The following CCNH variants were observed in gnomAD, a reference collection of about 807,000 sequenced individuals.
CCNH encodes cyclin-H.
A neutral mutation model predicts 41.9 loss-of-function variants in CCNH; 31 were observed. The observed-to-expected ratio is 0.74, with a 90% CI of 0.56 to 1.00. CCNH has a LOEUF of 1.00. CCNH is among the 50% of genes least tolerant of loss of function. The pLI is 0.00. For missense variants in CCNH, 362 were observed against 388.4 expected (o/e 0.93, Z 0.57); for synonymous variants, 138 against 136.1 (o/e 1.01, Z -0.10).
chr5:87,399,857 A>G (rs1410622747), intron 6 of CCNH, among the ~76,000 whole-genome samples: 1 of 152,220 alleles, frequency 6.6e-6, no homozygotes, highest in Admixed American at 6.5e-5. Flanking sequence ...TTTGTTCTCT[A>G]TCACCAACCA....
intron 9 of CCNH, chr5:87,333,291 C>G: frequency 1.2e-6 from 2 of 1,612,314 alleles, no homozygotes; most frequent in Non-Finnish European, 1.7e-6. Flanking sequence ...AAGGCGTGTA[C>G]GAGCTATTCT....
intron 9 of CCNH, among the ~76,000 whole-genome samples, chr5:87,384,101 G>C (rs1360147508): frequency 3.4e-4 from 52 of 151,988 alleles, no homozygotes; most frequent in Middle Eastern, 3.2e-3. Context: ...TTCAAGTTGG[G>C]AAGAGCTTTG....
chr5:87,373,833 G>T (rs1284416157), downstream of CCNH, among the ~76,000 whole-genome samples: 2 of 151,878 alleles, frequency 1.3e-5, no homozygotes, highest in African/African-American at 2.4e-5. Flanking sequence ...TATTAATAAA[G>T]AATTTTCTTC....
At chr5:87,338,922 A>T (rs1417560595) in intron 9 of CCNH, among the ~76,000 whole-genome samples, 2 of 152,084 alleles carry the variant, frequency 1.3e-5, no homozygotes, top group Non-Finnish European at 2.9e-5. Context: ...TTATCATGGT[A>T]TCAATTACCA....
chr5:87,396,869 T>C (rs567850990), intron 7 of CCNH, among the ~76,000 whole-genome samples: 11 of 152,254 alleles, frequency 7.2e-5, no homozygotes, highest in African/African-American at 2.6e-4. Context: ...CATAAATATA[T>C]GGATATACGT....
At chr5:87,395,174 A>G in intron 7 of CCNH, 70 bp from the exon 8 acceptor site, 1 of 1,394,808 alleles carries the variant, frequency 7.2e-7, no homozygotes, top group East Asian at 2.3e-5. Flanking sequence ...AAAATAAACT[A>G]GCAAGGCTAT....
intron 4 of CCNH, among the ~76,000 whole-genome samples, chr5:87,407,318 T>C (rs1022821404): frequency 1.3e-5 from 2 of 152,206 alleles, no homozygotes; most frequent in East Asian, 3.8e-4. Context: ...TTGAGACTGT[T>C]CCTGTCCTAT....
intron 9 of CCNH, among the ~76,000 whole-genome samples, chr5:87,337,742 T>A (rs553090504): frequency 4.6e-5 from 7 of 152,216 alleles, no homozygotes; most frequent in African/African-American, 1.4e-4. Flanking sequence ...GTGCAGATAC[T>A]ACTATCAAAC....
chr5:87,399,117 T>C (rs1036714451), intron 7 of CCNH, among the ~76,000 whole-genome samples: 1 of 152,232 alleles, frequency 6.6e-6, no homozygotes, highest in East Asian at 1.9e-4. Context: ...AAAGGATTCC[T>C]TAGGAAGACC....
At chr5:87,391,127 CT>C, downstream of CCNH, 1 of 598,130 alleles carries the variant, frequency 1.7e-6, no homozygotes, top group Non-Finnish European at 3.0e-6. Context: ...ACCTCTGAGC[CT>C]TGGTGTACAG....
chr5:87,374,359 T>C, downstream of CCNH: 1 of 1,563,074 alleles, frequency 6.4e-7, no homozygotes, highest in Non-Finnish European at 8.7e-7. Flanking sequence ...CATTTTCTTT[T>C]ACCATATTGC....
intron 9 of CCNH, among the ~76,000 whole-genome samples, chr5:87,341,479 T>TC (rs1269145155): frequency 1.3e-5 from 2 of 152,128 alleles, no homozygotes; most frequent in Non-Finnish European, 2.9e-5. Flanking sequence ...TTCTTAAGGA[T>TC]CTAGTGATAA....
chr5:87,356,383 A>AG (rs1554047341), intron 9 of CCNH, among the ~76,000 whole-genome samples: 8,491 of 141,710 alleles, frequency 0.06, 570 homozygotes, highest in African/African-American at 0.17. Context: ...GATGATTGTT[A>AG]TTTTTTTTTT....
intron 1 of CCNH, 81 bp from the exon 2 acceptor site, chr5:87,411,427 A>G: frequency 7.1e-7 from 1 of 1,403,098 alleles, no homozygotes; most frequent in South Asian, 1.5e-5. Flanking sequence ...TATCTAGATT[A>G]AATTTAGTTT....
At chr5:87,349,770 T>C (rs954478493) in intron 9 of CCNH, among the ~76,000 whole-genome samples, 3 of 151,950 alleles carry the variant, frequency 2.0e-5, no homozygotes, top group Non-Finnish European at 4.4e-5. Context: ...GATGTTATCA[T>C]GTAACTGAGT....
At chr5:87,351,415 G>A (rs1759266469) in intron 9 of CCNH, among the ~76,000 whole-genome samples, 1 of 151,670 alleles carries the variant, frequency 6.6e-6, no homozygotes, top group African/African-American at 2.4e-5. Context: ...GAGTTCAGTG[G>A]GGGGTGAGAA....
intron 7 of CCNH, among the ~76,000 whole-genome samples, chr5:87,396,148 GTAT>G (rs1762942492): frequency 2.8e-5 from 4 of 144,204 alleles, no homozygotes. Context: ...TTGTATTTAG[GTAT>G]TATAAGTAAT....
chr5:87,316,395 C>T (rs1179005734), downstream of CCNH, among the ~76,000 whole-genome samples: 5 of 152,174 alleles, frequency 3.3e-5, no homozygotes, highest in Non-Finnish European at 7.3e-5. Context: ...TAGCTTATTC[C>T]GATTCCCAGG....
chr5:87,408,330 C>T (rs947034024), intron 3 of CCNH, 144 bp from the exon 4 acceptor site: 1 of 489,252 alleles, frequency 2.0e-6, no homozygotes, highest in African/African-American at 2.0e-5. Context: ...CTAGACATTG[C>T]AAGAATTGTT....
Sources: allele counts gnomAD v4.1 joint callset (sites outside exome capture counted in the v4.1 genomes callset), GRCh38; gene constraint gnomAD v4.1.1; transcripts MANE v1.5; gene names NCBI Gene and HGNC (gene_info 2026-07-23, HGNC 2026-07-21).